Variants in PCDH9 observed in about 807,000 individuals in gnomAD.
PCDH9 encodes protocadherin-9.
Under a neutral mutation model 70.6 loss-of-function variants are expected in PCDH9, and 24 were observed. The ratio of observed to expected loss-of-function variants is 0.34; its 90% CI spans 0.25 to 0.48. The LOEUF (loss-of-function observed/expected upper bound fraction) is 0.48, where lower values mean the gene tolerates loss of function less well. PCDH9 is among the 20% of genes least tolerant of loss of function. PCDH9 has a pLI of 0.99. For synonymous variants in PCDH9, 562 were observed against 558.5 expected (o/e 1.01, Z -0.09); for missense variants, 1,281 against 1,503.6 (o/e 0.85, Z 2.45).
chr13:66,814,563 G>T (rs2080567067), intron 3 of PCDH9, among the ~76,000 whole-genome samples: 1 of 151,994 alleles, frequency 6.6e-6, no homozygotes, highest in South Asian at 2.1e-4. Context: ...TTGGTTTGAT[G>T]CACACACACA....
chr13:66,981,622 GA>G (rs1207730102), intron 2 of PCDH9, among the ~76,000 whole-genome samples: 2 of 151,536 alleles, frequency 1.3e-5, no homozygotes, highest in Non-Finnish European at 2.9e-5. Context: ...CCAGCAAAAA[GA>G]AAAAAAGTAT....
chr13:66,867,329 G>C (rs1180727846), intron 3 of PCDH9, among the ~76,000 whole-genome samples: 1 of 152,078 alleles, frequency 6.6e-6, no homozygotes, highest in African/African-American at 2.4e-5. Flanking sequence ...GGAACAATTT[G>C]TCTCAATAAG....
intron 2 of PCDH9, among the ~76,000 whole-genome samples, chr13:67,006,081 G>C (rs1418313236): frequency 1.3e-5 from 2 of 152,150 alleles, no homozygotes; most frequent in Admixed American, 6.5e-5. Flanking sequence ...AAAAAAATTA[G>C]TCGGGCCTGG....
At chr13:66,780,918 C>T (rs143016792) in intron 3 of PCDH9, among the ~76,000 whole-genome samples, 268 of 152,220 alleles carry the variant, frequency 1.8e-3, no homozygotes, top group African/African-American at 6.0e-3. Flanking sequence ...AGACCAATAA[C>T]AAAGCCTTAA....
At chr13:67,151,660 T>C (rs1313768711) in intron 2 of PCDH9, among the ~76,000 whole-genome samples, 1 of 151,982 alleles carries the variant, frequency 6.6e-6, no homozygotes, top group Non-Finnish European at 1.5e-5. Flanking sequence ...TTCTACAAGC[T>C]GGCAAAGCTT....
intron 2 of PCDH9, among the ~76,000 whole-genome samples, chr13:67,195,803 TAG>T (rs1175137866): frequency 6.6e-6 from 1 of 152,144 alleles, no homozygotes; most frequent in Admixed American, 6.5e-5. Flanking sequence ...GTCAATTTTA[TAG>T]AGATAGCTGA....
chr13:66,463,527 T>A (rs1958462843), intron 4 of PCDH9, among the ~76,000 whole-genome samples: 1 of 151,768 alleles, frequency 6.6e-6, no homozygotes, highest in Non-Finnish European at 1.5e-5. Flanking sequence ...GATTTGTAAG[T>A]ATTTATTGTG....
intron 3 of PCDH9, among the ~76,000 whole-genome samples, chr13:66,633,760 T>C (rs762751785): frequency 6.6e-6 from 1 of 152,162 alleles, no homozygotes; most frequent in Non-Finnish European, 1.5e-5. Context: ...AAGAAGTATA[T>C]ATTTGAAAGA....
chr13:66,525,861 C>T (rs115248518), intron 4 of PCDH9, among the ~76,000 whole-genome samples: 64 of 152,264 alleles, frequency 4.2e-4, no homozygotes, highest in African/African-American at 1.4e-3. Flanking sequence ...AGACGACATA[C>T]GTTCTTCACT....
At chr13:66,461,305 T>C (rs976842141) in intron 4 of PCDH9, among the ~76,000 whole-genome samples, 2 of 151,794 alleles carry the variant, frequency 1.3e-5, no homozygotes, top group African/African-American at 2.4e-5. Context: ...AAATAAATCA[T>C]CTTTAGCCAA....
At chr13:67,032,325 C>CT (rs146060145) in intron 2 of PCDH9, among the ~76,000 whole-genome samples, 8,813 of 146,630 alleles carry the variant, frequency 0.06, 507 homozygotes, top group African/African-American at 0.16. Flanking sequence ...ATTTTTCTGC[C>CT]TTTTTTTTTT....
intron 4 of PCDH9, among the ~76,000 whole-genome samples, chr13:66,444,010 T>C (rs888594642): frequency 6.6e-6 from 1 of 152,150 alleles, no homozygotes; most frequent in Admixed American, 6.6e-5. Flanking sequence ...GAAATTATTT[T>C]CCCCCTCTAC....
At chr13:66,345,655 A>C (rs2138156161) in intron 4 of PCDH9, among the ~76,000 whole-genome samples, 1 of 152,278 alleles carries the variant, frequency 6.6e-6, no homozygotes, top group South Asian at 2.1e-4. Flanking sequence ...TTTCCTGTAA[A>C]CTAAGGAGCA....
At chr13:67,107,128 G>A (rs935257685) in intron 2 of PCDH9, among the ~76,000 whole-genome samples, 5 of 152,238 alleles carry the variant, frequency 3.3e-5, no homozygotes, top group East Asian at 1.9e-4. Flanking sequence ...CATGGGGGCC[G>A]GGCTGTCACT....
intron 3 of PCDH9, among the ~76,000 whole-genome samples, chr13:66,723,549 C>T (rs1049006570): frequency 6.6e-6 from 1 of 152,096 alleles, no homozygotes; most frequent in African/African-American, 2.4e-5. Flanking sequence ...AGTAGCTAAG[C>T]AAAGCATTGA....
At chr13:67,160,896 A>G (rs1370839147) in intron 2 of PCDH9, among the ~76,000 whole-genome samples, 1 of 152,240 alleles carries the variant, frequency 6.6e-6, no homozygotes, top group Non-Finnish European at 1.5e-5. Context: ...AGTTTGTGGA[A>G]TAGTCAAACA....
At chr13:66,333,435 G>T (rs974221258) in intron 4 of PCDH9, among the ~76,000 whole-genome samples, 1 of 152,130 alleles carries the variant, frequency 6.6e-6, no homozygotes, top group Non-Finnish European at 1.5e-5. Context: ...GCCTCAAGCC[G>T]CTGTCCCTTG....
chr13:66,352,649 C>G (rs1956310584), intron 4 of PCDH9, among the ~76,000 whole-genome samples: 1 of 152,112 alleles, frequency 6.6e-6, no homozygotes, highest in African/African-American at 2.4e-5. Context: ...TTCATTTACC[C>G]TTAATTACAT....
At chr13:66,756,231 T>C (rs1444191928) in intron 3 of PCDH9, among the ~76,000 whole-genome samples, 1 of 152,154 alleles carries the variant, frequency 6.6e-6, no homozygotes, top group African/African-American at 2.4e-5. Flanking sequence ...ATGAGGAATA[T>C]AAGGTGAATA....
Sources: gnomAD v4.1 joint callset for allele counts (sites outside exome capture counted in the v4.1 genomes callset) on GRCh38, gnomAD v4.1.1 for gene constraint, MANE v1.5 for transcripts, NCBI Gene and HGNC (gene_info 2026-07-23, HGNC 2026-07-21) for gene names.